The following MGAT4C variants were observed in gnomAD, a reference collection of about 807,000 sequenced individuals.
MGAT4C encodes alpha-1,3-mannosyl-glycoprotein 4-beta-N-acetylglucosaminyltransferase C.
Under a neutral mutation model 40.1 loss-of-function variants are expected in MGAT4C, and 19 were observed. The observed-to-expected ratio is 0.47, with a 90% CI of 0.33 to 0.70. The LOEUF is 0.70. MGAT4C is among the 30% of genes least tolerant of loss of function. MGAT4C has a pLI of 0.02. For missense variants in MGAT4C, 491 were observed against 563.2 expected (o/e 0.87, Z 1.30); for synonymous variants, 181 against 187.1 (o/e 0.97, Z 0.27).
chr12:86,637,257 G>T (rs1963247553), intron 2 of MGAT4C, among the ~76,000 whole-genome samples: 2 of 151,930 alleles, frequency 1.3e-5, no homozygotes, highest in Admixed American at 1.3e-4. Flanking sequence ...GTAATAAGCA[G>T]TTAGGAAGCT....
At chr12:86,075,693 C>T (rs572435043) in intron 1 of MGAT4C, among the ~76,000 whole-genome samples, 10 of 152,336 alleles carry the variant, frequency 6.6e-5, no homozygotes, top group African/African-American at 1.4e-4. Context: ...ATTCCCAAAC[C>T]GCAATTCTTG....
chr12:86,537,000 A>C (rs1018960660), intron 2 of MGAT4C, among the ~76,000 whole-genome samples: 4 of 152,224 alleles, frequency 2.6e-5, no homozygotes, highest in African/African-American at 9.6e-5. Context: ...GGGATTAAGA[A>C]AATGTGGCAC....
chr12:86,312,049 A>G (rs1284125476), intron 4 of MGAT4C, among the ~76,000 whole-genome samples: 1 of 152,232 alleles, frequency 6.6e-6, no homozygotes, highest in Non-Finnish European at 1.5e-5. Context: ...CACAGAAGAA[A>G]AAAAAAAGGT....
At chr12:86,466,452 T>C (rs775954848) in intron 2 of MGAT4C, among the ~76,000 whole-genome samples, 2 of 152,180 alleles carry the variant, frequency 1.3e-5, no homozygotes, top group Non-Finnish European at 2.9e-5. Context: ...GCTACATAGT[T>C]ACTGTATGAG....
chr12:86,296,572 G>A (rs865957727), intron 4 of MGAT4C, among the ~76,000 whole-genome samples: 4 of 152,226 alleles, frequency 2.6e-5, no homozygotes, highest in East Asian at 1.9e-4. Flanking sequence ...AAGGCCCAGC[G>A]AGAAATCGAG....
At chr12:86,145,315 G>A (rs771392574) in intron 1 of MGAT4C, among the ~76,000 whole-genome samples, 4 of 151,996 alleles carry the variant, frequency 2.6e-5, no homozygotes, top group Non-Finnish European at 5.9e-5. Context: ...CCATTTTCAT[G>A]CAGTTCTGGC....
At chr12:86,081,981 A>G (rs1271571091) in intron 1 of MGAT4C, among the ~76,000 whole-genome samples, 1 of 152,132 alleles carries the variant, frequency 6.6e-6, no homozygotes, top group African/African-American at 2.4e-5. Flanking sequence ...AGCTCATTAC[A>G]GTTTGTGCAG....
At chr12:86,182,197 T>C (rs1485448635) in intron 1 of MGAT4C, among the ~76,000 whole-genome samples, 2 of 152,146 alleles carry the variant, frequency 1.3e-5, no homozygotes, top group African/African-American at 4.8e-5. Flanking sequence ...TGAAGATAGC[T>C]TTCATTTTTC....
At chr12:86,197,352 TA>T (rs1375806177) in intron 1 of MGAT4C, among the ~76,000 whole-genome samples, 2 of 152,224 alleles carry the variant, frequency 1.3e-5, no homozygotes, top group Non-Finnish European at 2.9e-5. Flanking sequence ...TATACACATA[TA>T]CATATATGTA....
In MGAT4C at chr12:86,587,425, T is replaced by A. The variant is rs1961102040; in HGVS notation, c.-229+139784A>T. Among the ~76,000 whole-genome samples, 3 of 152,244 alleles carry A rather than the reference T, an allele frequency of 2.0e-5. No individual in the cohort carries two copies. In the South Asian group the frequency reaches 6.2e-4, roughly 32 times the overall value. On this transcript the variant is annotated intron_variant, in intron 2 of 7. Coordinates refer to the MGAT4C transcript ENST00000548651. ...TTGTTCTTTTGGCTTAGGATTGACT[T>A]GGCAATGCGGACTGTTTGGTTCCAT...
intron 2 of MGAT4C, among the ~76,000 whole-genome samples, chr12:86,527,149 A>G (rs377271281): frequency 6.6e-6 from 1 of 152,210 alleles, no homozygotes; most frequent in African/African-American, 2.4e-5. Context: ...GCACCTGGCC[A>G]TCTTGCCAGA....
chr12:86,006,649 C>T (rs534314460), intron 2 of MGAT4C, among the ~76,000 whole-genome samples: 65 of 152,262 alleles, frequency 4.3e-4, no homozygotes, highest in Non-Finnish European at 4.3e-4. Context: ...CCTGTAGAGT[C>T]GGCTTAGCCA....
At chr12:86,376,309 G>A (rs1955820844) in intron 3 of MGAT4C, among the ~76,000 whole-genome samples, 1 of 151,584 alleles carries the variant, frequency 6.6e-6, no homozygotes, top group Non-Finnish European at 1.5e-5. Flanking sequence ...TGGAGGCAAA[G>A]GTTGCAGTAA....
intron 4 of MGAT4C, among the ~76,000 whole-genome samples, chr12:86,277,753 T>C (rs1953112462): frequency 6.6e-6 from 1 of 152,184 alleles, no homozygotes; most frequent in Non-Finnish European, 1.5e-5. Flanking sequence ...CATTGGTCTA[T>C]GTGTCTTTTT....
chr12:86,705,080 C>A (rs984472175), intron 2 of MGAT4C, among the ~76,000 whole-genome samples: 3 of 152,064 alleles, frequency 2.0e-5, no homozygotes, highest in African/African-American at 4.8e-5. Flanking sequence ...TTGTTCAGGG[C>A]AAGTAAGCAT....
chr12:86,233,121 T>A (rs1231208186), intron 1 of MGAT4C, among the ~76,000 whole-genome samples: 2 of 152,230 alleles, frequency 1.3e-5, no homozygotes, highest in Non-Finnish European at 2.9e-5. Context: ...TTCTGTTGTA[T>A]CATATGTAGT....
At chr12:86,111,310 A>T (rs190283947) in intron 1 of MGAT4C, among the ~76,000 whole-genome samples, 1 of 152,002 alleles carries the variant, frequency 6.6e-6, no homozygotes, top group Admixed American at 6.6e-5. Context: ...TTCATAATCA[A>T]ATAAGAAATG....
intron 1 of MGAT4C, among the ~76,000 whole-genome samples, chr12:86,077,384 G>A (rs1191716371): frequency 6.6e-6 from 1 of 152,158 alleles, no homozygotes; most frequent in African/African-American, 2.4e-5. Flanking sequence ...AAATGCTGAT[G>A]TGAAGTCAAT....
intron 2 of MGAT4C, among the ~76,000 whole-genome samples, chr12:86,624,923 C>G (rs554832110): frequency 5.9e-4 from 90 of 152,032 alleles, no homozygotes; most frequent in Non-Finnish European, 1.1e-3. Context: ...TGTCTCCACA[C>G]CCAAATCTCA....
Sources: gnomAD v4.1 joint callset for allele counts (sites outside exome capture counted in the v4.1 genomes callset) on GRCh38, gnomAD v4.1.1 for gene constraint, MANE v1.5 for transcripts, NCBI Gene and HGNC (gene_info 2026-07-23, HGNC 2026-07-21) for gene names.